The following TJP1 variants were observed in gnomAD, a reference collection of about 807,000 sequenced individuals.
The protein encoded by TJP1 is tight junction protein 1, also known as tight junction protein ZO-1.
Under a neutral mutation model 194.2 loss-of-function variants are expected in TJP1, and 43 were observed. The ratio of observed to expected loss-of-function variants is 0.22; its 90% confidence interval spans 0.17 to 0.29. The LOEUF is 0.29. Among genes scored for constraint, TJP1 ranks in the 10% least tolerant of loss-of-function variants. The pLI is 1.00. For missense variants in TJP1, 1,971 were observed against 2,185.7 expected (o/e 0.90, Z 1.96); for synonymous variants, 801 against 779.0 (o/e 1.03, Z -0.47).
chr15:29,937,495 G>C (rs987677422), intron 2 of TJP1, among the ~76,000 whole-genome samples: 1 of 152,218 alleles, frequency 6.6e-6, no homozygotes, highest in Admixed American at 6.5e-5. Flanking sequence ...GGGGAAAAAG[G>C]CATGCTAAAA....
At chr15:29,790,749 T>C (rs1290917695) in intron 2 of TJP1, among the ~76,000 whole-genome samples, 1 of 150,332 alleles carries the variant, frequency 6.7e-6, no homozygotes, top group Non-Finnish European at 1.5e-5. Flanking sequence ...GAGTTCATTT[T>C]TCTTTTTTTT....
In TJP1 at chr15:29,912,639, T is replaced by G. The variant is rs557471734; in HGVS notation, c.306+43593A>C. On this transcript the variant is annotated intron_variant, in intron 2 of 28. Transcript: ENST00000356107. ...AAGTTACGGGAGGAAGAGGTTACAGTGAGCTGAGATCATGCCACTGCACTC... is the reference window on the plus strand; with the variant it reads ...AAGTTACGGGAGGAAGAGGTTACAGGGAGCTGAGATCATGCCACTGCACTC... Among the ~76,000 whole-genome samples, 141 of 129,190 alleles carry G rather than the reference T, an allele frequency of 1.1e-3. 1 individual carries two copies. Among genetic ancestry groups the G allele is most frequent in the Admixed American group, 4.0e-3 (38 of 9,558 alleles). The allele number at this position is 129,190 out of a possible 152,430, so 84.8% of individuals were successfully genotyped here. A position where few individuals can be genotyped will look rare whatever the true frequency, so the allele number is the denominator to read the frequency against.
At chr15:29,968,155 C>A (rs1376090249) in intron 1 of TJP1, 1 of 985,334 alleles carries the variant, frequency 1.0e-6, no homozygotes, top group African/African-American at 1.7e-5. Context: ...GGAATACAGT[C>A]CCTGACAATG....
At chr15:29,849,023 A>T (rs1025437776) in intron 2 of TJP1, among the ~76,000 whole-genome samples, 4 of 152,204 alleles carry the variant, frequency 2.6e-5, no homozygotes, top group Non-Finnish European at 5.9e-5. Flanking sequence ...AAGACTTCTA[A>T]ATGATAATGT....
At chr15:29,850,202 T>C (rs1206072690) in intron 2 of TJP1, among the ~76,000 whole-genome samples, 1 of 152,242 alleles carries the variant, frequency 6.6e-6, no homozygotes, top group African/African-American at 2.4e-5. Context: ...CCTGTAGTTC[T>C]GGCTGACGTC....
chr15:29,920,522 T>C (rs941447968), intron 2 of TJP1, among the ~76,000 whole-genome samples: 1 of 152,180 alleles, frequency 6.6e-6, no homozygotes, highest in Non-Finnish European at 1.5e-5. Flanking sequence ...TAACTAGCAT[T>C]ATGACTAGTT....
chr15:29,711,962 G>T (rs2042271378), intron 23 of TJP1, among the ~76,000 whole-genome samples: 1 of 152,192 alleles, frequency 6.6e-6, no homozygotes, highest in South Asian at 2.1e-4. Context: ...ATGACTGCTA[G>T]AGCAGCAGAT....
chr15:29,711,439 T>C (rs1423587255), intron 23 of TJP1, among the ~76,000 whole-genome samples: 1 of 152,146 alleles, frequency 6.6e-6, no homozygotes, highest in Non-Finnish European at 1.5e-5. Context: ...GATCTCAGTT[T>C]ACCACAACCT....
At chr15:29,964,298 C>G (rs2056259543) in intron 1 of TJP1, among the ~76,000 whole-genome samples, 1 of 152,072 alleles carries the variant, frequency 6.6e-6, no homozygotes, top group African/African-American at 2.4e-5. Flanking sequence ...CTAATATGGC[C>G]TGCAGAAGAA....
chr15:29,872,946 C>G (rs1256258644), intron 2 of TJP1, among the ~76,000 whole-genome samples: 1 of 152,206 alleles, frequency 6.6e-6, no homozygotes, highest in African/African-American at 2.4e-5. Flanking sequence ...AGGGCCAGGT[C>G]CCTGCCTCCA....
In TJP1 at chr15:29,863,251, G is replaced by A. The variant is rs189523141; in HGVS notation, c.307-62549C>T. Among the ~76,000 whole-genome samples the A allele has an allele frequency of 8.6e-5, 13 of 152,046 alleles. No individual in the cohort carries two copies. The East Asian group carries it at 2.2e-3, about 25-fold the overall frequency. On this transcript the variant is annotated intron_variant, in intron 2 of 28. Coordinates refer to the TJP1 transcript ENST00000356107. Reference sequence around the variant, plus strand: ...GCGGATGTTGCAGTGAGCCCAGACCGTGCCGCTGCACTCCAGCCTGGGCGA... The same window carrying A: ...GCGGATGTTGCAGTGAGCCCAGACCATGCCGCTGCACTCCAGCCTGGGCGA...
intron 1 of TJP1, among the ~76,000 whole-genome samples, chr15:29,811,529 A>G (rs1163138475): frequency 2.6e-5 from 4 of 152,164 alleles, no homozygotes; most frequent in African/African-American, 9.7e-5. Context: ...GCTGAATAGA[A>G]CTTGCTAATC....
At chr15:29,913,199 A>AGG (rs1555451939) in intron 2 of TJP1, among the ~76,000 whole-genome samples, 21 of 151,860 alleles carry the variant, frequency 1.4e-4, no homozygotes, top group African/African-American at 2.7e-4. Flanking sequence ...CAAAAAAAAA[A>AGG]GGGGGTAGAA....
chr15:29,949,156 TACTACC>T (rs1449798917), intron 2 of TJP1, among the ~76,000 whole-genome samples: 1 of 51,190 alleles, frequency 2.0e-5, no homozygotes, highest in African/African-American at 7.8e-5. Context: ...CCACCTCCAC[TACTACC>T]TCCACCACCA....
chr15:29,842,065 G>T (rs2051244746), intron 2 of TJP1, among the ~76,000 whole-genome samples: 1 of 152,136 alleles, frequency 6.6e-6, no homozygotes, highest in Non-Finnish European at 1.5e-5. Context: ...GAAAATTTGA[G>T]CAAATGATAG....
intron 1 of TJP1, among the ~76,000 whole-genome samples, chr15:29,959,307 T>C (rs12441157): frequency 0.17 from 25,718 of 151,838 alleles, 2,627 homozygotes; most frequent in East Asian, 0.49. Context: ...AGTATTTTTT[T>C]AATTAATGCA....
intron 2 of TJP1, among the ~76,000 whole-genome samples, chr15:29,849,760 A>AAAG: frequency 6.6e-6 from 1 of 151,058 alleles, no homozygotes; most frequent in African/African-American, 2.4e-5. Context: ...AAAAAAAAAA[A>AAAG]AGAGACAAGG....
chr15:29,795,203 T>C (rs1371879853), intron 2 of TJP1, among the ~76,000 whole-genome samples: 1 of 151,970 alleles, frequency 6.6e-6, no homozygotes, highest in South Asian at 2.1e-4. Context: ...GTGGGAGGAT[T>C]GCCTGAGGTC....
At chr15:29,939,816 G>C (rs1355951964) in intron 2 of TJP1, among the ~76,000 whole-genome samples, 1 of 152,178 alleles carries the variant, frequency 6.6e-6, no homozygotes, top group African/African-American at 2.4e-5. Context: ...TCAATGAGAT[G>C]ATGTCTGTCT....
Sources: gnomAD v4.1 joint callset for allele counts (sites outside exome capture counted in the v4.1 genomes callset) on GRCh38, gnomAD v4.1.1 for gene constraint, MANE v1.5 for transcripts, NCBI Gene and HGNC (gene_info 2026-07-23, HGNC 2026-07-21) for gene names.